PCDH11Y: variants seen among roughly 807,000 people sequenced by gnomAD.
PCDH11Y encodes the protein protocadherin-11 Y-linked.
For missense variants in PCDH11Y, 12 were observed against 224.8 expected (o/e 0.05, Z 6.05); for synonymous variants, 9 against 83.6 (o/e 0.11, Z 4.87).
At chrY:5,499,222 T>A in intron 2 of PCDH11Y, among the ~76,000 whole-genome samples, 1 of 32,636 alleles carries the variant, frequency 3.1e-5, no homozygotes, top group Non-Finnish European at 7.5e-5. Flanking sequence ...TCCAGCAAGC[T>A]TTTCTTTTAT....
chrY:5,087,640 G>T (rs2052733688), intron 1 of PCDH11Y, among the ~76,000 whole-genome samples: 1 of 32,130 alleles, frequency 3.1e-5, no homozygotes, highest in African/African-American at 1.2e-4. Context: ...TTCCCCAGCT[G>T]ATGTCTCAGT....
intron 1 of PCDH11Y, among the ~76,000 whole-genome samples, chrY:5,016,995 T>G (rs1602837152): frequency 6.0e-5 from 2 of 33,599 alleles, no homozygotes; most frequent in Non-Finnish European, 1.5e-4. Flanking sequence ...TTTAATAGAT[T>G]AATGGAATGG....
chrY:5,651,017 G>A (rs2124706133), intron 4 of PCDH11Y, among the ~76,000 whole-genome samples: 4 of 32,869 alleles, frequency 1.2e-4, no homozygotes, highest in African/African-American at 2.4e-4. Context: ...CTAACAGTAT[G>A]CCCAAGGGAT....
chrY:5,507,314 G>C, intron 3 of PCDH11Y, among the ~76,000 whole-genome samples: 5 of 32,377 alleles, frequency 1.5e-4, no homozygotes, highest in Admixed American at 1.5e-3. Context: ...TAAGAAAAAT[G>C]GGTAAAACAC....
At chrY:5,160,775 G>A (rs2052874029) in intron 2 of PCDH11Y, among the ~76,000 whole-genome samples, 1 of 32,129 alleles carries the variant, frequency 3.1e-5, no homozygotes, top group Non-Finnish European at 7.7e-5. Flanking sequence ...GAATCTAGTC[G>A]AATTTACACA....
chrY:5,015,887 TG>T (rs2052560649), intron 1 of PCDH11Y, among the ~76,000 whole-genome samples: 1 of 31,694 alleles, frequency 3.2e-5, no homozygotes, highest in East Asian at 8.4e-4. Context: ...TGATAGTGAA[TG>T]GGTATCATGA....
intron 4 of PCDH11Y, among the ~76,000 whole-genome samples, chrY:5,631,022 A>G: frequency 1.2e-4 from 4 of 32,011 alleles, no homozygotes; most frequent in African/African-American, 5.0e-4. Context: ...GAACTTCCGC[A>G]TTTCTGGAAG....
chrY:5,025,743 G>A, intron 1 of PCDH11Y, among the ~76,000 whole-genome samples: 2 of 30,907 alleles, frequency 6.5e-5, no homozygotes, highest in African/African-American at 2.5e-4. Flanking sequence ...ATATGAAGTG[G>A]CAGTTTTATA....
chrY:5,551,317 C>T lies in PCDH11Y; in HGVS notation c.3329-30458C>T, dbSNP rs1450487285. 5.1e-4 allele frequency among the ~76,000 whole-genome samples: 17 copies of T among 33,145 alleles called. No homozygotes were observed. The East Asian group carries it at 0.014, about 26-fold the overall frequency. The allele number at this position is 33,145 out of a possible 37,273, so 88.9% of individuals were successfully genotyped here. ...CCTTTCCTTAATTCTACTCTAATGA[C>T]AAAAGTACCAGACAACATGTATCCT... is the stretch of plus-strand genomic sequence containing the variant. On this transcript the variant is annotated intron_variant, in intron 3 of 4. Transcript: ENST00000400457.
intron 2 of PCDH11Y, among the ~76,000 whole-genome samples, chrY:5,216,430 GTTTC>G (rs371941761): frequency 0.049 from 1,481 of 30,186 alleles, no homozygotes; most frequent in Middle Eastern, 0.37. Flanking sequence ...TATCTGTTTT[GTTTC>G]TTTATTTGTC....
chrY:5,278,157 T>TC (rs2053046789), intron 2 of PCDH11Y, among the ~76,000 whole-genome samples: 1 of 29,015 alleles, frequency 3.4e-5, no homozygotes, highest in African/African-American at 1.4e-4. Context: ...GAGTCTTTTT[T>TC]TTTTTTTTTT....
At chrY:5,378,541 C>A in intron 2 of PCDH11Y, among the ~76,000 whole-genome samples, 1 of 32,495 alleles carries the variant, frequency 3.1e-5, no homozygotes, top group Non-Finnish European at 7.5e-5. Flanking sequence ...AGAATGGAGG[C>A]ATTTTTTATG....
At chrY:5,212,537 G>GT (rs2124651188) in intron 2 of PCDH11Y, among the ~76,000 whole-genome samples, 1 of 31,210 alleles carries the variant, frequency 3.2e-5, no homozygotes, top group Non-Finnish European at 7.8e-5. Context: ...TTTTGTTGTT[G>GT]TTTTTTTCAT....
intron 2 of PCDH11Y, among the ~76,000 whole-genome samples, chrY:5,353,583 G>T (rs2053162010): frequency 3.1e-5 from 1 of 32,200 alleles, no homozygotes; most frequent in Non-Finnish European, 7.6e-5. Context: ...TATATATCAA[G>T]AAAATAAATA....
chrY:5,284,617 C>G (rs2053058071), intron 2 of PCDH11Y, among the ~76,000 whole-genome samples: 1 of 32,455 alleles, frequency 3.1e-5, no homozygotes, highest in Non-Finnish European at 7.6e-5. Flanking sequence ...TAGATTGTTG[C>G]AAGCACTAAA....
chrY:5,617,297 T>G (rs1602952134), intron 4 of PCDH11Y, among the ~76,000 whole-genome samples: 2 of 33,537 alleles, frequency 6.0e-5, no homozygotes, highest in East Asian at 1.6e-3. Flanking sequence ...TCTGTTGGCT[T>G]AAACTGTAAA....
intron 3 of PCDH11Y, among the ~76,000 whole-genome samples, chrY:5,524,297 A>G (rs2053384312): frequency 6.0e-5 from 2 of 33,381 alleles, no homozygotes; most frequent in African/African-American, 2.3e-4. Context: ...AATGAAAGCT[A>G]TGTACATCCT....
At chrY:5,077,885 CA>C (rs2052712300) in intron 1 of PCDH11Y, among the ~76,000 whole-genome samples, 1 of 31,249 alleles carries the variant, frequency 3.2e-5, no homozygotes, top group East Asian at 8.6e-4. Context: ...TTTTTATTAT[CA>C]TTTTTAAGTT....
chrY:5,201,219 C>T, intron 2 of PCDH11Y, among the ~76,000 whole-genome samples: 1 of 32,599 alleles, frequency 3.1e-5, no homozygotes, highest in East Asian at 8.2e-4. Flanking sequence ...GCTATCTAGC[C>T]ACTTGTTCAG....
Sources: allele counts gnomAD v4.1 joint callset (sites outside exome capture counted in the v4.1 genomes callset), GRCh38; gene constraint gnomAD v4.1.1; transcripts MANE v1.5; gene names NCBI Gene and HGNC (gene_info 2026-07-23, HGNC 2026-07-21).